Variants in GPATCH8 observed in about 807,000 individuals in gnomAD.
The protein encoded by GPATCH8 is G patch domain-containing protein 8.
Under a neutral mutation model 118.3 loss-of-function variants are expected in GPATCH8, and 18 were observed. The ratio of observed to expected loss-of-function variants is 0.15; its 90% CI spans 0.11 to 0.23. GPATCH8 has a LOEUF of 0.23. Among genes scored for constraint, GPATCH8 ranks in the 10% least tolerant of loss-of-function variants. GPATCH8 has a pLI of 1.00. For synonymous variants in GPATCH8, 659 were observed against 684.7 expected (o/e 0.96, Z 0.59); for missense variants, 1,631 against 1,873.8 (o/e 0.87, Z 2.39).
chr17:44,425,782 G>C (rs1384543638), intron 5 of GPATCH8, among the ~76,000 whole-genome samples: 1 of 152,138 alleles, frequency 6.6e-6, no homozygotes, highest in Non-Finnish European at 1.5e-5. Flanking sequence ...TCCCACCTTG[G>C]ACTCCCAAAG....
chr17:44,483,025 T>G (rs1297415477), intron 1 of GPATCH8, among the ~76,000 whole-genome samples: 2 of 146,424 alleles, frequency 1.4e-5, no homozygotes, highest in Non-Finnish European at 3.0e-5. Context: ...GCATGGTGGC[T>G]GGTGCCTGTA....
chr17:44,415,652 A>T (rs4792941), intron 6 of GPATCH8, among the ~76,000 whole-genome samples: 4 of 151,948 alleles, frequency 2.6e-5, no homozygotes, highest in Non-Finnish European at 5.9e-5. Context: ...GCACAACAAC[A>T]ACCCAGTTCA....
At position 44,486,698 on chromosome 17, in the gene GPATCH8, T is replaced by C. The variant is rs1598622215; in HGVS notation, c.46-11795A>G. The C allele has an allele frequency of 2.0e-5, 3 of 152,270 alleles. No homozygotes were observed. The East Asian group carries it at 5.8e-4, about 29-fold the overall frequency. The allele number at this position is 152,270 out of a possible 1,614,324, so 9.4% of individuals were successfully genotyped here. On this transcript the variant is annotated intron_variant, in intron 1 of 7. Coordinates refer to ENST00000591680, the MANE Select transcript of GPATCH8 (RefSeq NM_001002909.4). ...AAAGTTTAGGCCACACTGTAACAAGTAAAACATGAAAGAAAGCCCTCCTTT... is the reference window on the plus strand; with the variant it reads ...AAAGTTTAGGCCACACTGTAACAAGCAAAACATGAAAGAAAGCCCTCCTTT...
At chr17:44,403,996 T>C (rs1481818459) in intron 7 of GPATCH8, among the ~76,000 whole-genome samples, 1 of 152,128 alleles carries the variant, frequency 6.6e-6, no homozygotes, top group East Asian at 1.9e-4. Flanking sequence ...GCCCGGCCAA[T>C]GTGTAATCTC....
chr17:44,424,412 C>T lies in GPATCH8; in HGVS notation c.429G>A (p.Lys143=), dbSNP rs1237720321. The change falls in exon 6 of 8, where the codon AAG becomes AAA. Residue 143 remains lysine (K), a synonymous_variant. Coordinates refer to ENST00000591680, the MANE Select transcript of GPATCH8 (RefSeq NM_001002909.4). Reference sequence around the variant, plus strand: ...CAAATTCCTGATGTTTCTGATATTGCTTATCACACAGTTCACAATAAAAGT... The same window carrying T: ...CAAATTCCTGATGTTTCTGATATTGTTTATCACACAGTTCACAATAAAAGT... The part of the protein sequence containing the change: ...RANFYCELCD[K]QYQKHQEFDN... 4 of 1,599,180 alleles carry T rather than the reference C, an allele frequency of 2.5e-6. No homozygotes were observed. The highest frequency in any genetic ancestry group is 3.4e-6 in the Non-Finnish European group (4 of 1,166,376).
At chr17:44,469,032 T>C (rs1967057894) in intron 2 of GPATCH8, among the ~76,000 whole-genome samples, 1 of 152,222 alleles carries the variant, frequency 6.6e-6, no homozygotes, top group African/African-American at 2.4e-5. Context: ...TTAAACCATG[T>C]AGCTAAACTG....
At position 44,497,978 on chromosome 17, in the gene GPATCH8, CT is replaced by C. The variant is rs149991900; in HGVS notation, c.45+5347del. On this transcript the variant is annotated intron_variant, in intron 1 of 7. Transcript: ENST00000591680. Reference sequence around the variant, plus strand: ...AAAAAGAAAAGAAAAACAGACTGTCCTTTTAAAAATTTTTATCATGTACCCA... The same window carrying C: ...AAAAAGAAAAGAAAAACAGACTGTCCTTTAAAAATTTTTATCATGTACCCA... 3.0e-3 allele frequency among the ~76,000 whole-genome samples: 463 copies of C among 152,138 alleles called. 3 individuals carry two copies. Among genetic ancestry groups the C allele is most frequent in the Non-Finnish European group, 5.4e-3 (367 of 67,986 alleles).
intron 3 of GPATCH8, among the ~76,000 whole-genome samples, chr17:44,450,726 T>G (rs557204545): frequency 3.3e-5 from 5 of 152,224 alleles, no homozygotes; most frequent in Non-Finnish European, 5.9e-5. Flanking sequence ...CTTTTTACTT[T>G]ATGTTCTTAT....
intron 1 of GPATCH8, among the ~76,000 whole-genome samples, chr17:44,495,304 A>G (rs2144491611): frequency 6.6e-6 from 1 of 152,308 alleles, no homozygotes; most frequent in South Asian, 2.1e-4. Flanking sequence ...ACTGCATTCT[A>G]GCCTGGGCAA....
intron 5 of GPATCH8, among the ~76,000 whole-genome samples, chr17:44,429,939 G>T (rs571635146): frequency 7.1e-4 from 108 of 152,096 alleles, no homozygotes; most frequent in African/African-American, 2.6e-3. Flanking sequence ...TAAGGCATGA[G>T]AATTGCTTGA....
At chr17:44,502,360 T>G (rs374553552) in intron 1 of GPATCH8, among the ~76,000 whole-genome samples, 7,125 of 30,206 alleles carry the variant, frequency 0.24, 246 homozygotes, top group Non-Finnish European at 0.33. Flanking sequence ...TAATGCAGTG[T>G]TTTTTTTTTT....
chr17:44,485,729 C>T (rs1598620193), intron 1 of GPATCH8, among the ~76,000 whole-genome samples: 1 of 152,202 alleles, frequency 6.6e-6, no homozygotes, highest in South Asian at 2.1e-4. Context: ...TCTGACACTC[C>T]TTCTCTGTGC....
At chr17:44,421,491 G>A (rs1471406670) in intron 6 of GPATCH8, among the ~76,000 whole-genome samples, 1 of 151,504 alleles carries the variant, frequency 6.6e-6, no homozygotes, top group Admixed American at 6.6e-5. Flanking sequence ...TCAGCCTCCT[G>A]AGAAGCTGGG....
Position 44,400,511 on chromosome 17 carries a change from T to C in GPATCH8, c.1566A>G (p.Ala522=). The change falls in exon 8 of 8, where the codon GCA becomes GCG. Residue 522 remains alanine (A), a synonymous_variant. Transcript: ENST00000591680. ...SSKETSLATP[A]GKESQEGPKH... is the part of the protein sequence containing the mutation. ...TGGGTCCTTCTTGGCTTTCTTTCCC[T>C]GCTGGGGTGGCCAGAGAGGTTTCTT... 1 of 1,614,164 alleles carries C rather than the reference T, an allele frequency of 6.2e-7. No homozygotes were observed. Among genetic ancestry groups the C allele is most frequent in the Non-Finnish European group, 8.5e-7 (1 of 1,179,972 alleles).
At chr17:44,415,739 A>C (rs1038818495) in intron 6 of GPATCH8, among the ~76,000 whole-genome samples, 1 of 152,218 alleles carries the variant, frequency 6.6e-6, no homozygotes, top group Non-Finnish European at 1.5e-5. Context: ...TAGAACAAAG[A>C]GTCTAATCCC....
intron 1 of GPATCH8, among the ~76,000 whole-genome samples, chr17:44,496,517 G>A (rs1241457263): frequency 1.3e-5 from 2 of 152,154 alleles, no homozygotes; most frequent in Admixed American, 1.3e-4. Flanking sequence ...CATGAGATGA[G>A]ACCAAATGCG....
At chr17:44,430,363 AAATC>A (rs1171263589) in intron 5 of GPATCH8, among the ~76,000 whole-genome samples, 1 of 152,170 alleles carries the variant, frequency 6.6e-6, no homozygotes, top group Non-Finnish European at 1.5e-5. Context: ...CAACATACAA[AAATC>A]AATCAATGTA....
intron 6 of GPATCH8, among the ~76,000 whole-genome samples, chr17:44,420,822 T>C (rs1409484462): frequency 6.6e-6 from 1 of 152,178 alleles, no homozygotes; most frequent in Non-Finnish European, 1.5e-5. Flanking sequence ...GGCAAGTCTA[T>C]ACATTATTGA....
At chr17:44,414,980 A>C (rs1457939297) in intron 6 of GPATCH8, among the ~76,000 whole-genome samples, 1 of 152,164 alleles carries the variant, frequency 6.6e-6, no homozygotes, top group Non-Finnish European at 1.5e-5. Flanking sequence ...TTACCAGTTG[A>C]TGGACATGTG....
Sources: gnomAD v4.1 joint callset for allele counts (sites outside exome capture counted in the v4.1 genomes callset) on GRCh38, gnomAD v4.1.1 for gene constraint, MANE v1.5 for transcripts, NCBI Gene and HGNC (gene_info 2026-07-23, HGNC 2026-07-21) for gene names.